The following RNF169 variants were observed in gnomAD, a reference collection of about 807,000 sequenced individuals.
RNF169 encodes the protein ring finger protein 169.
RNF169 carries 24 observed loss-of-function variants against 53.9 expected under a neutral mutation model. That is an observed-to-expected ratio of 0.45 (90% CI 0.32 to 0.63). The LOEUF (loss-of-function observed/expected upper bound fraction) is 0.63. Among genes scored for constraint, RNF169 ranks in the 20% least tolerant of loss-of-function variants. RNF169 has a pLI of 0.04. For synonymous variants in RNF169, 396 were observed against 363.5 expected (o/e 1.09, Z -1.02); for missense variants, 883 against 906.2 (o/e 0.97, Z 0.33).
intron 5 of RNF169, 73 bp downstream of exon 5, chr11:74,834,848 TAAAC>T: frequency 2.0e-6 from 2 of 977,126 alleles, no homozygotes; most frequent in Non-Finnish European, 3.1e-6. Flanking sequence ...GGTCATGAAA[TAAAC>T]TATTCCAGAA....
intron 2 of RNF169, among the ~76,000 whole-genome samples, chr11:74,796,352 T>C (rs569212280): frequency 3.3e-5 from 5 of 152,348 alleles, no homozygotes; most frequent in African/African-American, 9.6e-5. Flanking sequence ...GTTCTTGTTA[T>C]GTAAGGATGT....
At chr11:74,792,450 G>A (rs1189832785) in intron 2 of RNF169, among the ~76,000 whole-genome samples, 1 of 152,082 alleles carries the variant, frequency 6.6e-6, no homozygotes, top group East Asian at 1.9e-4. Context: ...TGCCCAGGCT[G>A]GAGTGCAGCG....
intron 1 of RNF169, among the ~76,000 whole-genome samples, chr11:74,752,195 G>A (rs1395612190): frequency 7.7e-6 from 1 of 130,686 alleles, no homozygotes; most frequent in Non-Finnish European, 1.5e-5. Context: ...TTGCACCGCT[G>A]CACTCTAGCC....
intron 3 of RNF169, among the ~76,000 whole-genome samples, chr11:74,815,742 A>G (rs2135125207): frequency 6.6e-6 from 1 of 152,258 alleles, no homozygotes; most frequent in East Asian, 1.9e-4. Flanking sequence ...TATTTTACAG[A>G]TGAGGAAACT....
Position 74,789,672 on chromosome 11 carries a change from T to A in RNF169, c.549T>A (p.Leu183=), listed in dbSNP as rs2035553642. ...TCAAATTAAGCAAGCCTGGGGAACT[T>A]CGTGAGGAATATGAAAGCTTGAGAA... is the stretch of plus-strand genomic sequence containing the variant. ...APIKLSKPGE[L]REEYESLRKL... The change falls in exon 2 of 6, where the codon CTT becomes CTA. Residue 183 remains leucine (L), a synonymous_variant. Coordinates refer to ENST00000299563, the MANE Select transcript of RNF169 (RefSeq NM_001098638.2). 1 of 1,607,052 alleles carries A rather than the reference T, an allele frequency of 6.2e-7. No homozygotes were observed. Among genetic ancestry groups the A allele is most frequent in the East Asian group, 2.2e-5 (1 of 44,812 alleles).
chr11:74,796,515 C>T (rs985893337), intron 2 of RNF169, among the ~76,000 whole-genome samples: 3 of 152,146 alleles, frequency 2.0e-5, no homozygotes, highest in Admixed American at 6.5e-5. Flanking sequence ...TTGAATTAAG[C>T]TTATTATATA....
intron 2 of RNF169, among the ~76,000 whole-genome samples, chr11:74,802,341 T>C (rs1421451717): frequency 6.6e-6 from 1 of 152,222 alleles, no homozygotes; most frequent in Non-Finnish European, 1.5e-5. Context: ...TGGAAGGACC[T>C]TTTATAAAAA....
chr11:74,750,160 C>A (rs934094970), intron 1 of RNF169, among the ~76,000 whole-genome samples: 4 of 152,266 alleles, frequency 2.6e-5, no homozygotes, highest in South Asian at 4.1e-4. Flanking sequence ...GAACTTCTTT[C>A]CCCTAACACC....
At chr11:74,804,464 G>A (rs1192262126) in intron 2 of RNF169, among the ~76,000 whole-genome samples, 1 of 152,164 alleles carries the variant, frequency 6.6e-6, no homozygotes, top group African/African-American at 2.4e-5. Context: ...TGCACTGCAT[G>A]GTGGTAGGAG....
chr11:74,793,682 G>A (rs2035609664), intron 2 of RNF169, among the ~76,000 whole-genome samples: 3 of 152,120 alleles, frequency 2.0e-5, no homozygotes, highest in Admixed American at 2.0e-4. Flanking sequence ...GAGTTGGTAT[G>A]CTTACTGAGG....
rs2035213111 is a variant in RNF169 at position 74,768,703 on chromosome 11, C to T, written c.502+19321C>T. ...TCTATGAAAATGGAGTAGAGAAAGG[C>T]TTTCAAACAAACAAAAAATGTAAAG... On this transcript the variant is annotated intron_variant, in intron 1 of 5. Coordinates refer to ENST00000299563, the MANE Select transcript of RNF169 (RefSeq NM_001098638.2). 2.0e-5 allele frequency among the ~76,000 whole-genome samples: 3 copies of T among 151,544 alleles called. No individual in the cohort carries two copies. The South Asian group carries it at 6.3e-4, about 32-fold the overall frequency.
At chr11:74,825,537 A>G (rs1174453909) in intron 4 of RNF169, among the ~76,000 whole-genome samples, 17 of 152,194 alleles carry the variant, frequency 1.1e-4, no homozygotes, top group Non-Finnish European at 1.5e-5. Flanking sequence ...AAAGCCCAGG[A>G]CAAGACATTC....
intron 1 of RNF169, among the ~76,000 whole-genome samples, chr11:74,758,386 G>A (rs1449362839): frequency 6.7e-6 from 1 of 148,986 alleles, no homozygotes; most frequent in Non-Finnish European, 1.5e-5. Context: ...GTACCATGCT[G>A]TTTTGGTTAC....
At chr11:74,749,834 G>A (rs2135295583) in intron 1 of RNF169, among the ~76,000 whole-genome samples, 1 of 152,276 alleles carries the variant, frequency 6.6e-6, no homozygotes, top group South Asian at 2.1e-4. Context: ...GGTTGAATTT[G>A]AGGATGTGAA....
intron 4 of RNF169, among the ~76,000 whole-genome samples, chr11:74,822,467 GTGC>G (rs1554999210): frequency 1.3e-5 from 2 of 151,956 alleles, no homozygotes; most frequent in Non-Finnish European, 2.9e-5. Flanking sequence ...TTTTCAGACA[GTGC>G]TGCTTTCTCT....
intron 2 of RNF169, among the ~76,000 whole-genome samples, chr11:74,799,539 T>A (rs1192042440): frequency 2.0e-5 from 3 of 152,192 alleles, no homozygotes; most frequent in African/African-American, 2.4e-5. Flanking sequence ...TCTTATTGTT[T>A]AGGGTCAGGA....
At chr11:74,751,426 C>T (rs568709682) in intron 1 of RNF169, among the ~76,000 whole-genome samples, 1 of 152,268 alleles carries the variant, frequency 6.6e-6, no homozygotes, top group South Asian at 2.1e-4. Flanking sequence ...TCTCTGGTCT[C>T]CCTATTAGTA....
At chr11:74,751,202 C>T (rs566829277) in intron 1 of RNF169, among the ~76,000 whole-genome samples, 2 of 152,268 alleles carry the variant, frequency 1.3e-5, no homozygotes, top group South Asian at 2.1e-4. Context: ...CACAACATCC[C>T]TATGAGATAA....
rs746876247 is a variant in RNF169 at position 74,839,091 on chromosome 11, C to G, written c.*2361C>G. ...TTTAAGAATTGCATAGCAGTTGTAA[C>G]AAGTGCAGAATGAAGAACAAATTCT... On this transcript the variant is annotated 3_prime_UTR_variant, in exon 6 of 6. Transcript: ENST00000299563. The G allele has an allele frequency of 1.3e-5, 2 of 152,130 alleles. No homozygotes were observed. Among genetic ancestry groups the G allele is most frequent in the Non-Finnish European group, 2.9e-5 (2 of 68,016 alleles). 9.4% of individuals were successfully genotyped at this position (152,130 alleles called of 1,614,324 possible).
Sources: gnomAD v4.1 joint callset for allele counts (sites outside exome capture counted in the v4.1 genomes callset) on GRCh38, gnomAD v4.1.1 for gene constraint, MANE v1.5 for transcripts, NCBI Gene and HGNC (gene_info 2026-07-23, HGNC 2026-07-21) for gene names.